DCDC1: variants seen among roughly 807,000 people sequenced by gnomAD.
The protein encoded by DCDC1 is doublecortin domain-containing protein 1.
In DCDC1, 200 loss-of-function variants were observed where a neutral mutation model predicts 178.3. The observed-to-expected ratio is 1.12, with a 90% CI of 1.00 to 1.26. The LOEUF is 1.26. DCDC1 is among the 50% of genes most tolerant of loss of function. DCDC1 has a pLI of 0.00. For missense variants in DCDC1, 1,983 were observed against 1,749.2 expected (o/e 1.13, Z -2.38); for synonymous variants, 690 against 604.8 (o/e 1.14, Z -2.07).
At chr11:31,108,933 T>C (rs1431190993) in intron 12 of DCDC1, among the ~76,000 whole-genome samples, 1 of 152,110 alleles carries the variant, frequency 6.6e-6, no homozygotes, top group Non-Finnish European at 1.5e-5. Flanking sequence ...AGGCTAGTGA[T>C]TGAAACACGT....
intron 9 of DCDC1, among the ~76,000 whole-genome samples, chr11:31,149,761 C>T (rs755697345): frequency 1.1e-4 from 16 of 151,808 alleles, no homozygotes; most frequent in Non-Finnish European, 2.1e-4. Context: ...TCTGTGGCTT[C>T]ACTCCAGAAG....
At chr11:30,881,064 A>T in intron 37 of DCDC1, 94 bp downstream of exon 37, 2 of 1,390,432 alleles carry the variant, frequency 1.4e-6, no homozygotes, top group Non-Finnish European at 1.9e-6. Flanking sequence ...GATAATTATT[A>T]AAAATCATTG....
chr11:31,009,159 G>T (rs1590743524), intron 20 of DCDC1, among the ~76,000 whole-genome samples: 2 of 151,988 alleles, frequency 1.3e-5, no homozygotes, highest in African/African-American at 4.8e-5. Context: ...AAGGCTTTAT[G>T]GAAACAAATT....
chr11:31,058,038 T>G (rs72882672), intron 20 of DCDC1, among the ~76,000 whole-genome samples: 2,032 of 152,174 alleles, frequency 0.013, 25 homozygotes, highest in Non-Finnish European at 0.022. Flanking sequence ...CCCCAGTGCC[T>G]AGGATACCAT....
chr11:30,934,334 G>A (rs530935384), intron 21 of DCDC1, among the ~76,000 whole-genome samples: 1 of 152,302 alleles, frequency 6.6e-6, no homozygotes, highest in South Asian at 2.1e-4. Context: ...TGGAATGCCA[G>A]GGTGAATGGA....
At chr11:31,067,911 G>A (rs996571867) in intron 18 of DCDC1, among the ~76,000 whole-genome samples, 1 of 152,110 alleles carries the variant, frequency 6.6e-6, no homozygotes, top group Admixed American at 6.6e-5. Flanking sequence ...ATGTCTTTTA[G>A]GGAGAACGAA....
At chr11:31,334,484 T>G (rs1053610340) in intron 2 of DCDC1, among the ~76,000 whole-genome samples, 1 of 152,228 alleles carries the variant, frequency 6.6e-6, no homozygotes, top group Non-Finnish European at 1.5e-5. Flanking sequence ...AATTGTCAGC[T>G]TTTCTGCTCT....
chr11:30,904,863 G>A (rs1206375375), intron 31 of DCDC1, 98 bp downstream of exon 31: 1 of 1,394,896 alleles, frequency 7.2e-7, no homozygotes, highest in Non-Finnish European at 1.0e-6. Context: ...TCTGGCCAGG[G>A]ACATTTATCA....
chr11:31,021,644 T>A (rs1472637484), intron 20 of DCDC1, among the ~76,000 whole-genome samples: 1 of 152,118 alleles, frequency 6.6e-6, no homozygotes, highest in East Asian at 1.9e-4. Context: ...GGGGACTGTG[T>A]AGGAGAAAAA....
At chr11:31,153,102 ATTT>A (rs1965348487) in intron 9 of DCDC1, among the ~76,000 whole-genome samples, 1 of 152,122 alleles carries the variant, frequency 6.6e-6, no homozygotes, top group African/African-American at 2.4e-5. Flanking sequence ...ATTTAGCTGG[ATTT>A]TGAGCTCTAA....
chr11:31,276,323 C>A (rs1945982719), intron 7 of DCDC1, among the ~76,000 whole-genome samples: 2 of 151,972 alleles, frequency 1.3e-5, no homozygotes, highest in Non-Finnish European at 2.9e-5. Context: ...ATTTATCAAG[C>A]TGAAAATTAT....
In DCDC1 at chr11:31,127,519, T is replaced by A. The variant is rs1233367113; in HGVS notation, c.1435A>T (p.Ile479Phe). Reference sequence around the variant, plus strand: ...AGCGTGTTTGCTGGAAGGCTTTTAATGTGTTGGTAGACATAAGAGGAGAAT... The same window carrying A: ...AGCGTGTTTGCTGGAAGGCTTTTAAAGTGTTGGTAGACATAAGAGGAGAAT... ...EQFSSYVYQH[I>F]KSLPANTLVP... The change falls in exon 11 of 39, where the codon ATT becomes TTT. Residue 479 changes from isoleucine to phenylalanine, a missense_variant. Physicochemically the swap from Ile to Phe is conservative, Grantham distance 21 (BLOSUM62 0). Coordinates refer to ENST00000684477, the MANE Select transcript of DCDC1 (RefSeq NM_001387274.1). The A allele has an allele frequency of 2.8e-6, 2 of 702,740 alleles. No homozygotes were observed. Among genetic ancestry groups the A allele is most frequent in the East Asian group, 5.4e-5 (2 of 37,278 alleles). 43.5% of individuals were successfully genotyped at this position (702,740 alleles called of 1,614,324 possible). A position where few individuals can be genotyped will look rare whatever the true frequency, so the allele number is the denominator to read the frequency against.
Position 30,913,700 on chromosome 11 carries a change from G to T in DCDC1, c.3653+1811C>A, listed in dbSNP as rs534976751. On this transcript the variant is annotated intron_variant, in intron 27 of 38. Transcript: ENST00000684477. ...TGTCCTTCTCTTCTGTGTTATACAT[G>T]GTTAGATTTTCCAAGGCAGTGCTAC... Among the ~76,000 whole-genome samples, 3 of 152,290 alleles carry T rather than the reference G, an allele frequency of 2.0e-5. No homozygotes were observed. In the East Asian group the frequency reaches 5.8e-4, roughly 29 times the overall value.
intron 19 of DCDC1, 112 bp downstream of exon 19, chr11:31,064,907 A>C: frequency 1.7e-6 from 1 of 587,322 alleles, no homozygotes; most frequent in South Asian, 2.2e-5. Context: ...TATCCATAAC[A>C]TTAAGTTGTG....
chr11:31,021,136 T>G (rs1952850825), intron 20 of DCDC1, among the ~76,000 whole-genome samples: 1 of 152,234 alleles, frequency 6.6e-6, no homozygotes, highest in Non-Finnish European at 1.5e-5. Flanking sequence ...CTGGTGAAGG[T>G]GTAAATTGCA....
At chr11:30,927,971 A>G (rs1449407185) in intron 22 of DCDC1, among the ~76,000 whole-genome samples, 1 of 152,196 alleles carries the variant, frequency 6.6e-6, no homozygotes, top group Non-Finnish European at 1.5e-5. Context: ...TTTCATAAAC[A>G]TAATATACGT....
intron 7 of DCDC1, among the ~76,000 whole-genome samples, chr11:31,283,770 T>A (rs750937342): frequency 9.9e-5 from 15 of 152,146 alleles, no homozygotes; most frequent in South Asian, 2.1e-4. Context: ...GTTCACCCTA[T>A]GCATAAGCAA....
At chr11:30,888,616 C>T (rs1943517193) in intron 36 of DCDC1, among the ~76,000 whole-genome samples, 1 of 152,056 alleles carries the variant, frequency 6.6e-6, no homozygotes, top group Non-Finnish European at 1.5e-5. Flanking sequence ...ACTCAGAAGG[C>T]TGAGGCAGGA....
intron 20 of DCDC1, among the ~76,000 whole-genome samples, chr11:31,062,256 G>A (rs1955973056): frequency 6.6e-6 from 1 of 152,104 alleles, no homozygotes; most frequent in Non-Finnish European, 1.5e-5. Context: ...CCTCAAAAAT[G>A]GCTGAGTAGA....
Sources: allele counts gnomAD v4.1 joint callset (sites outside exome capture counted in the v4.1 genomes callset), GRCh38; gene constraint gnomAD v4.1.1; transcripts MANE v1.5; gene names NCBI Gene and HGNC (gene_info 2026-07-23, HGNC 2026-07-21).